Variants in BABAM2 observed in about 807,000 individuals in gnomAD.
BABAM2 encodes the protein BRISC and BRCA1 A complex member 2, also known as BRISC and BRCA1-A complex member 2.
A neutral mutation model predicts 54.7 loss-of-function variants in BABAM2; 31 were observed. The observed-to-expected ratio is 0.57, with a 90% CI of 0.43 to 0.77. The LOEUF (loss-of-function observed/expected upper bound fraction) is 0.77, where lower values mean the gene tolerates loss of function less well. Ranked by LOEUF, BABAM2 falls within the 30% of genes least tolerant of loss-of-function variation. The pLI, the probability that BABAM2 is intolerant of heterozygous loss-of-function variation, is 0.00. For missense variants in BABAM2, 364 were observed against 455.8 expected, an observed-to-expected ratio of 0.80 and a Z score of 1.83; for synonymous variants, 167 against 162.9, an observed-to-expected ratio of 1.03 and a Z score of -0.19.
At chr2:28,178,888 G>C (rs1675314320) in intron 7 of BABAM2, among the ~76,000 whole-genome samples, 1 of 151,910 alleles carries the variant, frequency 6.6e-6, no homozygotes, top group Non-Finnish European at 1.5e-5. Context: ...GGAAAACCTA[G>C]AGGAAATAGA....
At chr2:28,174,101 C>T (rs1343755076) in intron 7 of BABAM2, among the ~76,000 whole-genome samples, 6 of 152,110 alleles carry the variant, frequency 3.9e-5, no homozygotes, top group East Asian at 1.9e-4. Context: ...CAAATAAAAT[C>T]GCTCAAGCTA....
chr2:28,335,929 G>A (rs1034946388), intron 11 of BABAM2, among the ~76,000 whole-genome samples: 32 of 152,342 alleles, frequency 2.1e-4, no homozygotes, highest in African/African-American at 7.7e-4. Flanking sequence ...TTTCTCTGAG[G>A]AGAGGATCCT....
intron 7 of BABAM2, among the ~76,000 whole-genome samples, chr2:28,209,708 A>T (rs535232595): frequency 6.6e-6 from 1 of 152,232 alleles, no homozygotes; most frequent in East Asian, 1.9e-4. Context: ...TGAAGACTGT[A>T]TGTTTTTTCT....
At chr2:28,066,132 C>A (rs999905873) in intron 6 of BABAM2, among the ~76,000 whole-genome samples, 12 of 150,354 alleles carry the variant, frequency 8.0e-5, no homozygotes, top group Non-Finnish European at 1.0e-4. Context: ...GCACTCCAGC[C>A]TAGGCGACAG....
chr2:28,283,260 C>T (rs1386695167), intron 10 of BABAM2, among the ~76,000 whole-genome samples: 1 of 152,192 alleles, frequency 6.6e-6, no homozygotes, highest in Non-Finnish European at 1.5e-5. Context: ...CAGTTCACCA[C>T]TCTATAGCGT....
intron 3 of BABAM2, among the ~76,000 whole-genome samples, chr2:27,977,687 G>T (rs546693712): frequency 3.9e-5 from 6 of 152,146 alleles, no homozygotes; most frequent in African/African-American, 7.2e-5. Context: ...CTTATCTTGA[G>T]ATCTGGGTGT....
At position 28,179,003 on chromosome 2, in the gene BABAM2, C is replaced by T. The variant is rs187374702; in HGVS notation, c.680+49623C>T. On this transcript the variant is annotated intron_variant, in intron 7 of 11. Transcript: ENST00000379624. Reference sequence around the variant, plus strand: ...CAAGATTGAATCCGTAATAAAAACTCTCCCAACAAAGAAGTTTAGGACAAA... The same window carrying T: ...CAAGATTGAATCCGTAATAAAAACTTTCCCAACAAAGAAGTTTAGGACAAA... Among the ~76,000 whole-genome samples, 10 of 152,126 alleles carry T rather than the reference C, an allele frequency of 6.6e-5. No homozygotes were observed. In the East Asian group the frequency reaches 1.9e-3, roughly 29 times the overall value.
intron 7 of BABAM2, among the ~76,000 whole-genome samples, chr2:28,165,529 C>CTTTTTTTTTTTTTTTTTTTTTTTTTTTT (rs1192641957): frequency 2.8e-5 from 2 of 72,254 alleles, no homozygotes; most frequent in African/African-American, 5.7e-5. Flanking sequence ...TTTTTCCTTG[C>CTTTTTTTTTTTTTTTTTTTTTTTTTTTT]TTTTTTTTTT....
At chr2:28,029,021 C>T (rs1573431138) in intron 5 of BABAM2, among the ~76,000 whole-genome samples, 1 of 152,272 alleles carries the variant, frequency 6.6e-6, no homozygotes, top group African/African-American at 2.4e-5. Context: ...CCCGCCTTGG[C>T]CTCCCAAAGT....
At chr2:28,125,015 A>G (rs1478386710) in intron 6 of BABAM2, among the ~76,000 whole-genome samples, 1 of 152,224 alleles carries the variant, frequency 6.6e-6, no homozygotes, top group Non-Finnish European at 1.5e-5. Flanking sequence ...AACTCAATGA[A>G]CAACGACAAC....
intron 3 of BABAM2, among the ~76,000 whole-genome samples, chr2:27,986,981 C>T (rs556112366): frequency 6.6e-6 from 1 of 152,266 alleles, no homozygotes; most frequent in South Asian, 2.1e-4. Context: ...GAAGAACTTG[C>T]AATCTAAATT....
At chr2:27,996,881 T>C (rs1558645728) in intron 4 of BABAM2, among the ~76,000 whole-genome samples, 1 of 152,242 alleles carries the variant, frequency 6.6e-6, no homozygotes, top group Non-Finnish European at 1.5e-5. Flanking sequence ...AATAGATTTC[T>C]ATATTTTATT....
chr2:28,127,383 G>T (rs1173572491), intron 6 of BABAM2, among the ~76,000 whole-genome samples: 1 of 152,110 alleles, frequency 6.6e-6, no homozygotes, highest in African/African-American at 2.4e-5. Flanking sequence ...TACCCTTAGT[G>T]GGAATGGTCT....
intron 11 of BABAM2, among the ~76,000 whole-genome samples, chr2:28,332,272 A>G (rs1245061430): frequency 6.6e-6 from 1 of 152,164 alleles, no homozygotes; most frequent in Non-Finnish European, 1.5e-5. Context: ...AGTAAACCTA[A>G]CGTCCTGCAC....
In BABAM2 at chr2:28,307,227, A is replaced by G. The variant is rs537231771; in HGVS notation, c.1088+8736A>G. Among the ~76,000 whole-genome samples the G allele has an allele frequency of 6.0e-5, 8 of 134,228 alleles. No individual in the cohort carries two copies. The South Asian group carries it at 1.9e-3, about 33-fold the overall frequency. The allele number at this position is 134,228 out of a possible 152,430, so 88.1% of individuals were successfully genotyped here. A position where few individuals can be genotyped will look rare whatever the true frequency, so the allele number is the denominator to read the frequency against. ...TTGCCATATTGGCCAGGCTGGTCTC[A>G]AACTCCTGACCTCAAGTGATCCACC... On this transcript the variant is annotated intron_variant, in intron 11 of 11. Transcript: ENST00000379624.
intron 7 of BABAM2, among the ~76,000 whole-genome samples, chr2:28,158,486 G>A (rs552873296): frequency 2.6e-5 from 4 of 152,194 alleles, no homozygotes; most frequent in Admixed American, 6.5e-5. Flanking sequence ...AAAACTACCA[G>A]CAGCAAAAGT....
chr2:28,302,655 G>T (rs1458978885), intron 11 of BABAM2, among the ~76,000 whole-genome samples: 2 of 152,134 alleles, frequency 1.3e-5, no homozygotes, highest in Admixed American at 6.5e-5. Context: ...TTATGAGAAG[G>T]TGACAAGCTT....
At chr2:28,140,340 C>G (rs1670931568) in intron 7 of BABAM2, among the ~76,000 whole-genome samples, 1 of 152,128 alleles carries the variant, frequency 6.6e-6, no homozygotes, top group African/African-American at 2.4e-5. Flanking sequence ...CAATATCTTC[C>G]AAGTATGAGG....
rs1415590933 is a variant in BABAM2, at chr2:27,975,577, T to C, written c.206-12416T>C. ...AAAATTGGTGAATCACATTCTTAAA[T>C]GGAAAATTTCAAACCATAAAAATCC... On this transcript the variant is annotated intron_variant, in intron 3 of 11. Coordinates refer to ENST00000379624, the MANE Select transcript of BABAM2 (RefSeq NM_199191.3). Among the ~76,000 whole-genome samples, 8 of 152,066 alleles carry C rather than the reference T, an allele frequency of 5.3e-5. No individual in the cohort carries two copies. In the East Asian group the frequency reaches 1.5e-3, roughly 29 times the overall value.
Sources: gnomAD v4.1 joint callset for allele counts (sites outside exome capture counted in the v4.1 genomes callset) on GRCh38, gnomAD v4.1.1 for gene constraint, MANE v1.5 for transcripts, NCBI Gene and HGNC (gene_info 2026-07-23, HGNC 2026-07-21) for gene names.